Variants in PPP1CB observed in about 807,000 individuals in gnomAD.
The protein encoded by PPP1CB is serine/threonine-protein phosphatase PP1-beta catalytic subunit.
In PPP1CB, 2 loss-of-function variants were observed where a neutral mutation model predicts 43.7. The ratio of observed to expected loss-of-function variants is 0.05; its 90% CI spans 0.02 to 0.14. The LOEUF is 0.14. PPP1CB is among the 10% of genes least tolerant of loss of function. The pLI is 1.00. For synonymous variants in PPP1CB, 136 were observed against 135.6 expected (o/e 1.00, Z -0.02); for missense variants, 84 against 398.0 (o/e 0.21, Z 6.71).
intron 1 of PPP1CB, 130 bp from the exon 2 acceptor site, chr2:28,776,721 C>A: frequency 1.4e-6 from 1 of 703,830 alleles, no homozygotes; most frequent in Non-Finnish European, 2.3e-6. Flanking sequence ...TATTTTAAAC[C>A]ATGGGACCAA....
At chr2:28,794,615 C>T (rs183992972) in intron 7 of PPP1CB, among the ~76,000 whole-genome samples, 587 of 151,990 alleles carry the variant, frequency 3.9e-3, no homozygotes, top group Admixed American at 8.3e-3. Context: ...GTCGTGAACC[C>T]GGGAGGCAGA....
chr2:28,789,663 A>G (rs1345629711), intron 6 of PPP1CB, among the ~76,000 whole-genome samples: 1 of 141,168 alleles, frequency 7.1e-6, no homozygotes, highest in Non-Finnish European at 1.5e-5. Flanking sequence ...CAGTGGCACA[A>G]TCTCTGCTCA....
At position 28,797,417 on chromosome 2, in the gene PPP1CB, G is replaced by GT. The variant is rs754340696; in HGVS notation, c.880-1775dup. On this transcript the variant is annotated intron_variant, in intron 7 of 7. Coordinates refer to ENST00000395366, the MANE Select transcript of PPP1CB (RefSeq NM_002709.3). ...GGCCAGGGCTTTTTTTGGTTTATAG[G>GT]TTTTTTTATTACTGATTCAGTTTTG... is the stretch of plus-strand genomic sequence containing the variant. 2.5e-3 allele frequency among the ~76,000 whole-genome samples: 386 copies of GT among 151,940 alleles called. 1 individual carries two copies. Among genetic ancestry groups the GT allele is most frequent in the Non-Finnish European group, 4.2e-3 (283 of 67,914 alleles).
intron 1 of PPP1CB, among the ~76,000 whole-genome samples, chr2:28,765,981 A>G (rs1046611576): frequency 1.3e-4 from 20 of 152,232 alleles, no homozygotes; most frequent in African/African-American, 3.9e-4. Context: ...ACTTACCACA[A>G]TGGAAGTTTC....
At chr2:28,791,753 C>A (rs1268145250) in intron 6 of PPP1CB, among the ~76,000 whole-genome samples, 10 of 152,090 alleles carry the variant, frequency 6.6e-5, no homozygotes, top group Non-Finnish European at 4.4e-5. Context: ...CAGTTTTTTT[C>A]AGCCATAGAT....
At chr2:28,763,754 G>A (rs565163586) in intron 1 of PPP1CB, among the ~76,000 whole-genome samples, 1 of 152,222 alleles carries the variant, frequency 6.6e-6, no homozygotes, top group South Asian at 2.1e-4. Flanking sequence ...ACCCAGGCTG[G>A]AGTGCAGTGG....
intron 4 of PPP1CB, 63 bp from the exon 5 acceptor site, chr2:28,783,844 G>T: frequency 3.7e-6 from 4 of 1,068,310 alleles, no homozygotes; most frequent in Middle Eastern, 2.1e-4. Flanking sequence ...CTTTTTATTC[G>T]GTGACTGTTA....
intron 1 of PPP1CB, among the ~76,000 whole-genome samples, chr2:28,754,134 T>G (rs1251655378): frequency 6.6e-6 from 1 of 152,184 alleles, no homozygotes; most frequent in South Asian, 2.1e-4. Context: ...TCCATATATT[T>G]TGTAGGCATA....
rs776213266 is a variant in PPP1CB at position 28,783,942 on chromosome 2, C to A, written c.556C>A (p.Arg186=). 2 of 1,612,582 alleles carry A rather than the reference C, an allele frequency of 1.2e-6. No individual in the cohort carries two copies. Among genetic ancestry groups the A allele is most frequent in the Admixed American group, 1.7e-5 (1 of 60,002 alleles). ...SPDLQSMEQI[R]RIMRPTDVPD... is the part of the protein sequence containing the mutation. ...AGACCTGCAATCTATGGAGCAGATT[C>A]GGAGAATTATGAGACCTACTGATGT... The change falls in exon 5 of 8, where the codon CGG becomes AGG. Residue 186 remains arginine (R), a synonymous_variant. Transcript: ENST00000395366.
Position 28,752,076 on chromosome 2 carries a change from C to G in PPP1CB, c.-49C>G, listed in dbSNP as rs755964738. On this transcript the variant is annotated 5_prime_UTR_variant, in exon 1 of 8. Transcript: ENST00000395366. The stretch of plus-strand genomic sequence containing the variant: ...GAGCCGTCGCCGCAGCCTCCGCCGC[C>G]GAGAAGCCCTTGTTCCCGCTGCTGG... The G allele has an allele frequency of 5.2e-6, 8 of 1,540,504 alleles. No homozygotes were observed. The highest frequency in any genetic ancestry group is 7.0e-6 in the Non-Finnish European group (8 of 1,137,756).
At chr2:28,757,237 T>C (rs1472949125) in intron 1 of PPP1CB, among the ~76,000 whole-genome samples, 2 of 152,258 alleles carry the variant, frequency 1.3e-5, no homozygotes, top group Non-Finnish European at 1.5e-5. Context: ...CTGAATAATA[T>C]TCCATTGTAT....
rs1281026226 is a variant in PPP1CB, at chr2:28,802,097, A to T, written c.*2794A>T. On this transcript the variant is annotated 3_prime_UTR_variant, in exon 8 of 8. Transcript: ENST00000395366. ...GGCAAGAAGAATTTTAAAGCTTAAAATAGGTGGTAAATTTGAAGTATGAGT... is the reference window on the plus strand; with the variant it reads ...GGCAAGAAGAATTTTAAAGCTTAAATTAGGTGGTAAATTTGAAGTATGAGT... 1 of 152,198 alleles carries T rather than the reference A, an allele frequency of 6.6e-6. No homozygotes were observed. The highest frequency in any genetic ancestry group is 6.5e-5 in the Admixed American group (1 of 15,284). 9.4% of individuals were successfully genotyped at this position (152,198 alleles called of 1,614,324 possible). A position where few individuals can be genotyped will look rare whatever the true frequency, so the allele number is the denominator to read the frequency against.
At chr2:28,758,982 A>G (rs1666554245) in intron 1 of PPP1CB, among the ~76,000 whole-genome samples, 1 of 152,240 alleles carries the variant, frequency 6.6e-6, no homozygotes. Flanking sequence ...AGAAGTTCCC[A>G]TCTGGTCAGT....
chr2:28,760,542 T>C (rs1396753374), intron 1 of PPP1CB, among the ~76,000 whole-genome samples: 2 of 152,220 alleles, frequency 1.3e-5, no homozygotes, highest in Admixed American at 6.5e-5. Context: ...CTGTGATGTT[T>C]GCACAACAAC....
intron 7 of PPP1CB, among the ~76,000 whole-genome samples, chr2:28,798,529 A>C (rs891654535): frequency 2.0e-5 from 3 of 152,148 alleles, no homozygotes; most frequent in Non-Finnish European, 4.4e-5. Flanking sequence ...AAAGGAATGA[A>C]GGACTGATAC....
At chr2:28,770,151 T>G (rs1666872556) in intron 1 of PPP1CB, among the ~76,000 whole-genome samples, 1 of 152,012 alleles carries the variant, frequency 6.6e-6, no homozygotes, top group Admixed American at 6.6e-5. Flanking sequence ...TAATCCCAGC[T>G]ACTCAGGAGG....
At chr2:28,785,972 TGA>T (rs1442999315) in intron 5 of PPP1CB, among the ~76,000 whole-genome samples, 1 of 152,154 alleles carries the variant, frequency 6.6e-6, no homozygotes, top group Non-Finnish European at 1.5e-5. Context: ...CGTATTTTAA[TGA>T]GAAGTTTTCA....
intron 1 of PPP1CB, among the ~76,000 whole-genome samples, chr2:28,775,034 G>T (rs1231343163): frequency 1.3e-5 from 2 of 151,762 alleles, no homozygotes; most frequent in East Asian, 1.9e-4. Context: ...TTTGCATGTG[G>T]AGGCCTTTTT....
chr2:28,763,059 C>T (rs1219846335), intron 1 of PPP1CB, among the ~76,000 whole-genome samples: 1 of 152,144 alleles, frequency 6.6e-6, no homozygotes, highest in African/African-American at 2.4e-5. Flanking sequence ...CATAGTTTGT[C>T]AGTTAATACT....
Sources: gnomAD v4.1 joint callset for allele counts (sites outside exome capture counted in the v4.1 genomes callset) on GRCh38, gnomAD v4.1.1 for gene constraint, MANE v1.5 for transcripts, NCBI Gene and HGNC (gene_info 2026-07-23, HGNC 2026-07-21) for gene names.